The following CHRNA7 variants were observed in gnomAD, a reference collection of about 807,000 sequenced individuals.
CHRNA7 encodes the protein neuronal acetylcholine receptor subunit alpha-7.
Under a neutral mutation model 48.0 loss-of-function variants are expected in CHRNA7, and 17 were observed. The observed-to-expected ratio is 0.35, with a 90% CI of 0.24 to 0.53. The LOEUF (loss-of-function observed/expected upper bound fraction) is 0.53. Among genes scored for constraint, CHRNA7 ranks in the 20% least tolerant of loss-of-function variants. The pLI is 0.92. For missense variants in CHRNA7, 155 were observed against 577.7 expected, an observed-to-expected ratio of 0.27 and a Z score of 7.50; for synonymous variants, 75 against 242.3, an observed-to-expected ratio of 0.31 and a Z score of 6.41.
chr15:32,152,703 C>T (rs1024678108), intron 4 of CHRNA7, among the ~76,000 whole-genome samples: 3 of 152,164 alleles, frequency 2.0e-5, no homozygotes, highest in African/African-American at 7.2e-5. Flanking sequence ...GGTGTCAACC[C>T]CAGTGTGACA....
intron 2 of CHRNA7, among the ~76,000 whole-genome samples, chr15:32,092,206 G>C (rs1450965684): frequency 6.6e-6 from 1 of 152,102 alleles, no homozygotes; most frequent in Non-Finnish European, 1.5e-5. Flanking sequence ...TGTCTGTTTT[G>C]TTCCTTTCTG....
chr15:32,034,020 G>A (rs1901968287), intron 2 of CHRNA7, among the ~76,000 whole-genome samples: 1 of 152,196 alleles, frequency 6.6e-6, no homozygotes, highest in South Asian at 2.1e-4. Flanking sequence ...ACAGAAAGAT[G>A]AGGGATTATT....
intron 4 of CHRNA7, among the ~76,000 whole-genome samples, chr15:32,123,302 A>C (rs2051005806): frequency 6.6e-6 from 1 of 152,260 alleles, no homozygotes; most frequent in South Asian, 2.1e-4. Flanking sequence ...AAAATGAAAA[A>C]AAGTACAAGT....
chr15:32,050,156 GGT>G (rs2049640365), intron 2 of CHRNA7, among the ~76,000 whole-genome samples: 1 of 152,134 alleles, frequency 6.6e-6, no homozygotes, highest in African/African-American at 2.4e-5. Context: ...GTATCTTTGT[GGT>G]GTTCTCTGTA....
chr15:32,115,355 T>C (rs990803383), intron 4 of CHRNA7, among the ~76,000 whole-genome samples: 1 of 152,084 alleles, frequency 6.6e-6, no homozygotes, highest in Non-Finnish European at 1.5e-5. Flanking sequence ...AAATTGGCAA[T>C]GTGGGAGGAG....
intron 3 of CHRNA7, 118 bp downstream of exon 3, chr15:32,101,465 A>C (rs2050571868): frequency 2.8e-6 from 3 of 1,089,656 alleles, no homozygotes; most frequent in Non-Finnish European, 4.0e-6. Context: ...AAAAACCAAA[A>C]AAACAAAAGG....
At chr15:32,136,139 A>G (rs2051252468) in intron 4 of CHRNA7, among the ~76,000 whole-genome samples, 1 of 152,192 alleles carries the variant, frequency 6.6e-6, no homozygotes, top group Non-Finnish European at 1.5e-5. Flanking sequence ...GCAAAGATTC[A>G]GGTACATGTA....
At chr15:32,100,585 A>G (rs1357163144) in intron 2 of CHRNA7, 1 of 154,604 alleles carries the variant, frequency 6.5e-6, no homozygotes, top group African/African-American at 2.4e-5. Context: ...CTGGAGGCAG[A>G]ACTCAGGGAG....
At chr15:32,152,468 G>A (rs1313353939) in intron 4 of CHRNA7, among the ~76,000 whole-genome samples, 1 of 152,174 alleles carries the variant, frequency 6.6e-6, no homozygotes, top group Non-Finnish European at 1.5e-5. Flanking sequence ...CGTAGCACAT[G>A]CAGGGACACA....
intron 2 of CHRNA7, among the ~76,000 whole-genome samples, chr15:32,043,671 C>T (rs995677880): frequency 6.6e-6 from 1 of 152,040 alleles, no homozygotes; most frequent in Non-Finnish European, 1.5e-5. Context: ...CTGTTATTGT[C>T]ATATATTTTA....
At chr15:32,120,663 G>A (rs1208532519) in intron 4 of CHRNA7, among the ~76,000 whole-genome samples, 1 of 151,894 alleles carries the variant, frequency 6.6e-6, no homozygotes, top group Non-Finnish European at 1.5e-5. Context: ...AATTTTGTGG[G>A]GATGGTGTTG....
chr15:32,146,178 C>T (rs1049295186), intron 4 of CHRNA7, among the ~76,000 whole-genome samples: 1 of 152,136 alleles, frequency 6.6e-6, no homozygotes, highest in Non-Finnish European at 1.5e-5. Context: ...CAAAAAAGTC[C>T]ATTAATATAA....
At chr15:32,043,171 C>T (rs1341300479) in intron 2 of CHRNA7, among the ~76,000 whole-genome samples, 1 of 152,092 alleles carries the variant, frequency 6.6e-6, no homozygotes, top group African/African-American at 2.4e-5. Context: ...TTTTAAAATA[C>T]ATTTATATGT....
chr15:32,032,080 A>G (rs1282217635), intron 2 of CHRNA7, among the ~76,000 whole-genome samples: 2 of 152,246 alleles, frequency 1.3e-5, no homozygotes, highest in Non-Finnish European at 1.5e-5. Flanking sequence ...TACCCGCACT[A>G]TCATGTTGAT....
intron 2 of CHRNA7, among the ~76,000 whole-genome samples, chr15:32,049,871 G>A (rs1156988574): frequency 6.6e-6 from 1 of 152,100 alleles, no homozygotes; most frequent in African/African-American, 2.4e-5. Context: ...GCATTTGCTT[G>A]TCTGTAAAGT....
chr15:32,070,930 G>A (rs1384239997), intron 2 of CHRNA7, among the ~76,000 whole-genome samples: 5 of 151,788 alleles, frequency 3.3e-5, no homozygotes, highest in East Asian at 1.9e-4. Flanking sequence ...TTCATGATCC[G>A]CCCATCTCAG....
intron 2 of CHRNA7, among the ~76,000 whole-genome samples, chr15:32,095,569 A>C (rs2050455080): frequency 6.6e-6 from 1 of 152,192 alleles, no homozygotes; most frequent in Non-Finnish European, 1.5e-5. Flanking sequence ...CTCATGTAAT[A>C]GAAGACATCT....
intron 4 of CHRNA7, among the ~76,000 whole-genome samples, chr15:32,137,241 A>T (rs1013602913): frequency 6.6e-6 from 1 of 152,016 alleles, no homozygotes; most frequent in Non-Finnish European, 1.5e-5. Flanking sequence ...GACTGTTTAG[A>T]TGAAACTAAA....
rs1313369698 is a variant in CHRNA7, at chr15:32,059,841, AG to A, written c.195+28806del. On this transcript the variant is annotated intron_variant, in intron 2 of 9. Transcript: ENST00000306901. The stretch of plus-strand genomic sequence containing the variant: ...CTTCAATTCCAGTACATCAGGTGTA[AG>A]GAAAAAAAGGCTATTTAGGACATTA... 7.9e-5 allele frequency among the ~76,000 whole-genome samples: 12 copies of A among 151,506 alleles called. No homozygotes were observed. In the East Asian group the frequency reaches 2.1e-3, roughly 27 times the overall value.
Sources: allele counts gnomAD v4.1 joint callset (sites outside exome capture counted in the v4.1 genomes callset), GRCh38; gene constraint gnomAD v4.1.1; transcripts MANE v1.5; gene names NCBI Gene and HGNC (gene_info 2026-07-23, HGNC 2026-07-21).